THSD7B: variants seen among roughly 807,000 people sequenced by gnomAD.
THSD7B encodes the protein thrombospondin type-1 domain-containing protein 7B.
In THSD7B, 138 loss-of-function variants were observed where a neutral mutation model predicts 213.6. That is an observed-to-expected ratio of 0.65 (90% CI 0.56 to 0.74). The LOEUF is 0.74. Among genes scored for constraint, THSD7B ranks in the 30% least tolerant of loss-of-function variants. THSD7B has a pLI of 0.00. For missense variants in THSD7B, 1,931 were observed against 1,991.5 expected (o/e 0.97, Z 0.58); for synonymous variants, 742 against 687.0 (o/e 1.08, Z -1.25).
At chr2:137,259,903 CTTTA>C (rs1051836405) in intron 10 of THSD7B, among the ~76,000 whole-genome samples, 1 of 151,648 alleles carries the variant, frequency 6.6e-6, no homozygotes, top group Non-Finnish European at 1.5e-5. Context: ...CTTGGGTTTT[CTTTA>C]TTTGTGTGTG....
chr2:136,833,131 C>T (rs556123050), intron 1 of THSD7B, among the ~76,000 whole-genome samples: 9 of 151,862 alleles, frequency 5.9e-5, no homozygotes, highest in Middle Eastern at 3.4e-3. Context: ...TTTGGGAGGC[C>T]GAGGTGGGCG....
At chr2:137,596,838 T>C (rs558061488) in intron 17 of THSD7B, among the ~76,000 whole-genome samples, 28 of 152,172 alleles carry the variant, frequency 1.8e-4, no homozygotes, top group Non-Finnish European at 3.4e-4. Flanking sequence ...ATTTTCTCCT[T>C]TGTTACTATA....
intron 2 of THSD7B, among the ~76,000 whole-genome samples, chr2:136,961,738 G>A (rs1685223572): frequency 6.6e-6 from 1 of 152,200 alleles, no homozygotes; most frequent in Non-Finnish European, 1.5e-5. Context: ...CGCATGAACG[G>A]AGGAATGTGG....
At chr2:137,562,960 C>T (rs1204542907) in intron 15 of THSD7B, among the ~76,000 whole-genome samples, 1 of 152,074 alleles carries the variant, frequency 6.6e-6, no homozygotes, top group Non-Finnish European at 1.5e-5. Flanking sequence ...CTATTCTTGG[C>T]ACTAGGAAAT....
chr2:136,864,010 G>C (rs554818534), intron 1 of THSD7B, among the ~76,000 whole-genome samples: 17 of 152,170 alleles, frequency 1.1e-4, no homozygotes, highest in Admixed American at 2.6e-4. Flanking sequence ...GCATGACGGA[G>C]GGAGAGGCAT....
At chr2:136,784,717 A>G (rs891144355) in intron 1 of THSD7B, among the ~76,000 whole-genome samples, 1 of 152,214 alleles carries the variant, frequency 6.6e-6, no homozygotes, top group African/African-American at 2.4e-5. Context: ...TAAAATTGTC[A>G]TCATGATGAA....
intron 1 of THSD7B, among the ~76,000 whole-genome samples, chr2:136,870,156 T>C (rs895411725): frequency 6.6e-6 from 1 of 152,184 alleles, no homozygotes; most frequent in Non-Finnish European, 1.5e-5. Flanking sequence ...AAGATATCAT[T>C]ACCTGTGTGT....
chr2:137,605,648 CTTTTTTTTTTTTTTTTT>C (rs34604281), intron 17 of THSD7B, among the ~76,000 whole-genome samples: 1,052 of 68,962 alleles, frequency 0.015, 24 homozygotes, highest in African/African-American at 0.053. Context: ...GCACTTCGCA[CTTTTTTTTTTTTTTTTT>C]TTTTTTTTTT....
chr2:137,097,634 A>G (rs1203308333), intron 4 of THSD7B, among the ~76,000 whole-genome samples: 1 of 152,172 alleles, frequency 6.6e-6, no homozygotes, highest in Non-Finnish European at 1.5e-5. Context: ...GAAATAATTC[A>G]GGATGTACCC....
intron 12 of THSD7B, among the ~76,000 whole-genome samples, chr2:137,379,401 C>T (rs1360144953): frequency 6.6e-6 from 1 of 152,196 alleles, no homozygotes; most frequent in Non-Finnish European, 1.5e-5. Context: ...TCAATTTCCA[C>T]AACTCATGCT....
intron 12 of THSD7B, among the ~76,000 whole-genome samples, chr2:137,323,352 G>C (rs1684303009): frequency 6.6e-6 from 1 of 152,164 alleles, no homozygotes; most frequent in Non-Finnish European, 1.5e-5. Context: ...CCCAGTTCCT[G>C]TCCCCCATGA....
At chr2:137,162,948 C>A (rs894221657) in intron 6 of THSD7B, among the ~76,000 whole-genome samples, 1 of 152,050 alleles carries the variant, frequency 6.6e-6, no homozygotes, top group Non-Finnish European at 1.5e-5. Flanking sequence ...TTAGTAGAGA[C>A]GGGGTTTCTC....
At chr2:137,037,758 A>G (rs1358450328) in intron 2 of THSD7B, among the ~76,000 whole-genome samples, 1 of 152,146 alleles carries the variant, frequency 6.6e-6, no homozygotes, top group Non-Finnish European at 1.5e-5. Context: ...CAACTGTGTG[A>G]TAAAGTAGCA....
chr2:137,481,544 T>G (rs977707477), intron 15 of THSD7B, among the ~76,000 whole-genome samples: 1 of 152,170 alleles, frequency 6.6e-6, no homozygotes, highest in Admixed American at 6.5e-5. Context: ...AAGTACCAAA[T>G]AGAAAAAGTT....
chr2:136,886,208 G>T (rs1041950932), intron 2 of THSD7B, among the ~76,000 whole-genome samples: 1 of 152,124 alleles, frequency 6.6e-6, no homozygotes, highest in Non-Finnish European at 1.5e-5. Context: ...ATAAGATTTT[G>T]TCTTTTACTC....
intron 17 of THSD7B, among the ~76,000 whole-genome samples, chr2:137,573,094 TA>T (rs1392787716): frequency 3.3e-5 from 5 of 152,036 alleles, no homozygotes; most frequent in Non-Finnish European, 4.4e-5. Flanking sequence ...GATATACCTT[TA>T]TTTTTTTCTT....
At chr2:136,792,022 C>G (rs1231872454) in intron 1 of THSD7B, among the ~76,000 whole-genome samples, 1 of 151,976 alleles carries the variant, frequency 6.6e-6, no homozygotes, top group African/African-American at 2.4e-5. Flanking sequence ...ATTTCTCCAC[C>G]TCCTTGCTAA....
At chr2:136,827,893 A>G (rs1458951682) in intron 1 of THSD7B, among the ~76,000 whole-genome samples, 1 of 152,060 alleles carries the variant, frequency 6.6e-6, no homozygotes, top group Non-Finnish European at 1.5e-5. Flanking sequence ...AATTTAGCCC[A>G]TTTCTTACCT....
intron 2 of THSD7B, among the ~76,000 whole-genome samples, chr2:137,005,318 T>C (rs1157958139): frequency 6.6e-6 from 1 of 152,202 alleles, no homozygotes; most frequent in Non-Finnish European, 1.5e-5. Flanking sequence ...TTGTTTTATG[T>C]TTAAATTCCC....
Sources: allele counts gnomAD v4.1 joint callset (sites outside exome capture counted in the v4.1 genomes callset), GRCh38; gene constraint gnomAD v4.1.1; transcripts MANE v1.5; gene names NCBI Gene and HGNC (gene_info 2026-07-23, HGNC 2026-07-21).